Variants in ZNF831 observed in about 807,000 individuals in gnomAD.
ZNF831 encodes chromosome 20 open reading frame 174.
Under a neutral mutation model 95.8 loss-of-function variants are expected in ZNF831, and 59 were observed. The ratio of observed to expected loss-of-function variants is 0.62; its 90% CI spans 0.50 to 0.77. The LOEUF (loss-of-function observed/expected upper bound fraction) is 0.77. ZNF831 is among the 30% of genes least tolerant of loss of function. The probability of loss-of-function intolerance (pLI) is 0.00; values close to 1 mark genes in which losing one functional copy is unlikely to be tolerated. For missense variants in ZNF831, 2,205 were observed against 2,164.0 expected (o/e 1.02, Z -0.38); for synonymous variants, 961 against 925.5 (o/e 1.04, Z -0.70).
At chr20:59,190,150 T>C (rs1983391180) in intron 1 of ZNF831, among the ~76,000 whole-genome samples, 3 of 152,234 alleles carry the variant, frequency 2.0e-5, no homozygotes, top group African/African-American at 7.2e-5. Flanking sequence ...GCCCCACCTT[T>C]GAGCAGAGAC....
chr20:59,195,965 G>A lies in ZNF831; in HGVS notation c.3835G>A (p.Gly1279Arg). 1 of 1,614,128 alleles carries A rather than the reference G, an allele frequency of 6.2e-7. No homozygotes were observed. Among genetic ancestry groups the A allele is most frequent in the Non-Finnish European group, 8.5e-7 (1 of 1,180,012 alleles). ...GCCTTGGAGGGCAAAGATGTCTCGT[G>A]GGAACAGCAAGCAGAGAAAACTGAA... is the stretch of plus-strand genomic sequence containing the variant. ...GLPWRAKMSR[G>R]NSKQRKLKIN... The change falls in exon 3 of 6, where the codon GGG becomes AGG. Residue 1279 changes from glycine (G) to arginine (R), a missense_variant. Gly to Arg is a moderately radical substitution (Grantham distance 125). Coordinates refer to ENST00000371030, the MANE Select transcript of ZNF831 (RefSeq NM_178457.3).
chr20:59,184,601 T>A (rs1365665465), intron 1 of ZNF831, among the ~76,000 whole-genome samples: 1 of 152,192 alleles, frequency 6.6e-6, no homozygotes. Flanking sequence ...GTGGTCCCCA[T>A]ACGTGGCGGA....
chr20:59,146,642 G>T (rs747529356), intron 2 of ZNF831: 2 of 152,292 alleles, frequency 1.3e-5, no homozygotes, highest in African/African-American at 4.8e-5. Flanking sequence ...GGATGAAGGT[G>T]CCGTCCTGCC....
chr20:59,171,945 A>G (rs2146496322), intron 1 of ZNF831, among the ~76,000 whole-genome samples: 1 of 152,276 alleles, frequency 6.6e-6, no homozygotes, highest in African/African-American at 2.4e-5. Context: ...CAGTTGTTCC[A>G]CTATGTGGCA....
At chr20:59,229,173 G>T (rs1266435329) in intron 4 of ZNF831, among the ~76,000 whole-genome samples, 1 of 152,202 alleles carries the variant, frequency 6.6e-6, no homozygotes, top group African/African-American at 2.4e-5. Flanking sequence ...ATTCCATTGT[G>T]TATACATACC....
At chr20:59,140,902 T>TTTTA (rs1466282929) in intron 1 of ZNF831, among the ~76,000 whole-genome samples, 3 of 152,266 alleles carry the variant, frequency 2.0e-5, no homozygotes, top group Admixed American at 6.5e-5. Flanking sequence ...TAGTTTTAAA[T>TTTTA]TTTATTTATT....
At chr20:59,227,103 C>T (rs554397770) in intron 4 of ZNF831, among the ~76,000 whole-genome samples, 1 of 152,288 alleles carries the variant, frequency 6.6e-6, no homozygotes, top group African/African-American at 2.4e-5. Flanking sequence ...AGAATAATGA[C>T]TAAATTTGTG....
Position 59,180,705 on chromosome 20 carries a change from C to T in ZNF831, c.-36-10279C>T, listed in dbSNP as rs561860262. Among the ~76,000 whole-genome samples the T allele has an allele frequency of 2.0e-5, 3 of 152,284 alleles. No homozygotes were observed. The South Asian group carries it at 6.2e-4, about 32-fold the overall frequency. ...CATGTCCCTGCAAAGGACATGAACT[C>T]ATTCTTTTTTATGGCTGCATACTAT... On this transcript the variant is annotated intron_variant, in intron 1 of 5. Coordinates refer to ENST00000371030, the MANE Select transcript of ZNF831 (RefSeq NM_178457.3).
chr20:59,189,410 G>C lies in ZNF831; in HGVS notation c.-36-1574G>C, dbSNP rs73309027. Among the ~76,000 whole-genome samples the C allele has an allele frequency of 3.3e-5, 5 of 152,252 alleles. No individual in the cohort carries two copies. In the South Asian group the frequency reaches 1.0e-3, roughly 32 times the overall value. On this transcript the variant is annotated intron_variant, in intron 1 of 5. Coordinates refer to ENST00000371030, the MANE Select transcript of ZNF831 (RefSeq NM_178457.3). ...GGGCTGTGTTTCACAGCTGGCTTGCGCAATTTTTGAAAATTTAACAATCAG... is the reference window on the plus strand; with the variant it reads ...GGGCTGTGTTTCACAGCTGGCTTGCCCAATTTTTGAAAATTTAACAATCAG...
intron 4 of ZNF831, among the ~76,000 whole-genome samples, chr20:59,241,407 C>T (rs900870399): frequency 1.3e-5 from 2 of 151,774 alleles, no homozygotes; most frequent in African/African-American, 4.8e-5. Context: ...TTGCAGTTCC[C>T]GAAGTACTCT....
intron 4 of ZNF831, among the ~76,000 whole-genome samples, chr20:59,233,045 T>G (rs6026772): frequency 0.39 from 42,117 of 107,322 alleles, 7,198 homozygotes; most frequent in African/African-American, 0.5. Context: ...CACACACACA[T>G]AGAGAGAGAG....
chr20:59,211,065 A>AAAAAAAAAAAAAAAAAAC (rs753979009), intron 4 of ZNF831, among the ~76,000 whole-genome samples: 2 of 77,548 alleles, frequency 2.6e-5, no homozygotes, highest in African/African-American at 1.6e-4. Flanking sequence ...AAAAAAAAAA[A>AAAAAAAAAAAAAAAAAAC]CAAATCCAAG....
At chr20:59,222,019 T>C (rs932427985) in intron 4 of ZNF831, among the ~76,000 whole-genome samples, 1 of 152,230 alleles carries the variant, frequency 6.6e-6, no homozygotes, top group African/African-American at 2.4e-5. Flanking sequence ...ATGAACTCAG[T>C]GCATTGGAGT....
At chr20:59,204,314 A>G (rs1170573868) in intron 3 of ZNF831, among the ~76,000 whole-genome samples, 1 of 152,232 alleles carries the variant, frequency 6.6e-6, no homozygotes, top group Non-Finnish European at 1.5e-5. Flanking sequence ...TAGCACTCTC[A>G]GTAATGAGAG....
intron 1 of ZNF831, among the ~76,000 whole-genome samples, chr20:59,136,119 T>C (rs1979502142): frequency 6.6e-6 from 1 of 152,168 alleles, no homozygotes; most frequent in Admixed American, 6.5e-5. Context: ...ACTGAATACA[T>C]TGTCAAGGTC....
rs1009887299 is a variant in ZNF831 at position 59,194,586 on chromosome 20, C to T, written c.3567C>T (p.Ser1189=). The change falls in exon 2 of 6, where the codon AGC becomes AGT. Residue 1189 remains serine, a synonymous_variant. Transcript: ENST00000371030. ...AEPRLTWCCL[S]RSVPLPAEQK... is the part of the protein sequence containing the mutation. ...CGCGGCTCACGTGGTGTTGCCTGAGCCGCAGTGTCCCTCTGCCCGCGGAGC... is the reference window on the plus strand; with the variant it reads ...CGCGGCTCACGTGGTGTTGCCTGAGTCGCAGTGTCCCTCTGCCCGCGGAGC... The T allele has an allele frequency of 1.9e-6, 3 of 1,610,118 alleles. No individual in the cohort carries two copies. The highest frequency in any genetic ancestry group is 2.5e-6 in the Non-Finnish European group (3 of 1,177,914).
rs1983652982 is a variant in ZNF831 at position 59,192,407 on chromosome 20, G to A, written c.1388G>A (p.Arg463His). 4 of 1,611,838 alleles carry A rather than the reference G, an allele frequency of 2.5e-6. No homozygotes were observed. Among genetic ancestry groups the A allele is most frequent in the Non-Finnish European group, 3.4e-6 (4 of 1,179,444 alleles). ...HFDIRALEPGRRRAPGPVRST... is the reference protein window; with the variant it reads ...HFDIRALEPGHRRAPGPVRST... ...GACATCCGCGCGCTGGAGCCAGGCC[G>A]TAGGAGGGCCCCGGGCCCCGTGCGC... Residue 463 changes from arginine to histidine, a missense_variant, in exon 2 of 6, where the codon CGT (arginine) becomes CAT (histidine). Transcript: ENST00000371030. This position sits in a 1 kb window ranked among gnomAD's most constrained non-coding sequence, Gnocchi z 5.2.
intron 1 of ZNF831, among the ~76,000 whole-genome samples, chr20:59,130,487 G>T (rs1013685049): frequency 2.0e-5 from 3 of 152,144 alleles, no homozygotes; most frequent in African/African-American, 7.2e-5. Flanking sequence ...CTGGGGCGAG[G>T]CCCAGAAAAA....
At chr20:59,231,698 G>C (rs959344204) in intron 4 of ZNF831, among the ~76,000 whole-genome samples, 3 of 152,132 alleles carry the variant, frequency 2.0e-5, no homozygotes, top group African/African-American at 7.2e-5. Context: ...AAACATTTCT[G>C]TTTGAAACCT....
Sources: gnomAD v4.1 joint callset for allele counts (sites outside exome capture counted in the v4.1 genomes callset) on GRCh38, gnomAD v4.1.1 for gene constraint, Gnocchi (gnomAD v3.1) non-coding constraint, MANE v1.5 for transcripts, NCBI Gene and HGNC (gene_info 2026-07-23, HGNC 2026-07-21) for gene names.